Variants in PCLO observed in about 807,000 individuals in gnomAD.
The protein encoded by PCLO is protein piccolo.
PCLO carries 82 observed loss-of-function variants against 427.5 expected under a neutral mutation model. The ratio of observed to expected loss-of-function variants is 0.19; its 90% confidence interval spans 0.16 to 0.23. The LOEUF (loss-of-function observed/expected upper bound fraction) is 0.23, where lower values mean the gene tolerates loss of function less well. Ranked by LOEUF, PCLO falls within the 10% of genes least tolerant of loss-of-function variation. PCLO has a pLI of 1.00. For missense variants in PCLO, 6,239 were observed against 6,115.9 expected (o/e 1.02, Z -0.67); for synonymous variants, 2,357 against 2,155.4 (o/e 1.09, Z -2.59).
At chr7:83,039,207 A>C (rs1184762523) in intron 3 of PCLO, among the ~76,000 whole-genome samples, 1 of 151,932 alleles carries the variant, frequency 6.6e-6, no homozygotes, top group East Asian at 1.9e-4. Context: ...GAATCATTTA[A>C]GTTTTTAATT....
At chr7:83,065,438 T>C (rs1247565401) in intron 3 of PCLO, among the ~76,000 whole-genome samples, 2 of 151,240 alleles carry the variant, frequency 1.3e-5, no homozygotes, top group African/African-American at 2.4e-5. Flanking sequence ...GGGGAGTTTT[T>C]TTTTCCATTT....
chr7:83,054,064 T>C (rs929172255), intron 3 of PCLO, among the ~76,000 whole-genome samples: 1 of 152,118 alleles, frequency 6.6e-6, no homozygotes, highest in African/African-American at 2.4e-5. Context: ...ACCACCATGA[T>C]CTGAACTTTG....
intron 22 of PCLO, among the ~76,000 whole-genome samples, chr7:82,767,393 T>C (rs1225135100): frequency 6.6e-6 from 1 of 152,036 alleles, no homozygotes; most frequent in African/African-American, 2.4e-5. Flanking sequence ...ATGGAGGATG[T>C]AGAAGTCATG....
rs183933736 is a variant in PCLO at position 82,984,665 on chromosome 7, C to T, written c.3301-18178G>A. Among the ~76,000 whole-genome samples the T allele has an allele frequency of 8.2e-4, 125 of 151,986 alleles. 3 individuals carry two copies. The highest frequency in any genetic ancestry group is 4.0e-4 in the Non-Finnish European group (27 of 67,882). ...TTGTTTATTTGTTTTTCACAGCTTT[C>T]TGCTAAATCCTTTGCTCACTTAGCT... On this transcript the variant is annotated intron_variant, in intron 3 of 24. Transcript: ENST00000333891.
chr7:83,150,075 TAA>T (rs1173274940), intron 2 of PCLO, among the ~76,000 whole-genome samples: 2 of 152,208 alleles, frequency 1.3e-5, no homozygotes, highest in Non-Finnish European at 2.9e-5. Context: ...TGAAAAGTGA[TAA>T]GTCGTTTTCA....
chr7:83,094,241 C>T (rs1158199951), intron 3 of PCLO, among the ~76,000 whole-genome samples: 1 of 134,384 alleles, frequency 7.4e-6, no homozygotes, highest in Non-Finnish European at 1.5e-5. Flanking sequence ...ACAGAGTCTC[C>T]GTCTGTCACC....
intron 3 of PCLO, among the ~76,000 whole-genome samples, chr7:83,070,403 T>C (rs1789782102): frequency 6.6e-6 from 1 of 151,614 alleles, no homozygotes. Flanking sequence ...TTTTTTTTTT[T>C]TGGAGACCAA....
rs1156630328 is a variant in PCLO, at chr7:83,050,224, A to C, written c.3301-83737T>G. Among the ~76,000 whole-genome samples the C allele has an allele frequency of 2.3e-3, 279 of 122,428 alleles. 5 individuals carry two copies. The highest frequency in any genetic ancestry group is 4.0e-3 in the Non-Finnish European group (239 of 59,220). The allele number at this position is 122,428 out of a possible 152,430, so 80.3% of individuals were successfully genotyped here. A position where few individuals can be genotyped will look rare whatever the true frequency, so the allele number is the denominator to read the frequency against. The stretch of plus-strand genomic sequence containing the variant: ...TGAAAAACTGAAAAAAAAAAAAAAA[A>C]AAAAAAAAAAAAACACAAGCAAACA... On this transcript the variant is annotated intron_variant, in intron 3 of 24. Coordinates refer to ENST00000333891, the MANE Select transcript of PCLO (RefSeq NM_033026.6).
Position 82,950,930 on chromosome 7 carries a change from G to A in PCLO, c.9658C>T (p.Leu3220Phe). ...TGCTTAATTTTCTCCAGTTCCAGGA[G>A]CTCACGCTCCAAGTCTAGCTGCTGC... is the stretch of plus-strand genomic sequence containing the variant. Reference protein sequence around the residue: ...QQQQLDLERELLELEKIKQQR... With the variant: ...QQQQLDLEREFLELEKIKQQR... The change falls in exon 6 of 25, where the codon CTC (leucine) becomes TTC (phenylalanine). Residue 3220 changes from leucine to phenylalanine, a missense_variant. Coordinates refer to ENST00000333891, the MANE Select transcript of PCLO (RefSeq NM_033026.6). 1 of 1,613,414 alleles carries A rather than the reference G, an allele frequency of 6.2e-7. No homozygotes were observed. Among genetic ancestry groups the A allele is most frequent in the Non-Finnish European group, 8.5e-7 (1 of 1,179,864 alleles).
At chr7:82,975,188 C>T (rs892800727) in intron 3 of PCLO, among the ~76,000 whole-genome samples, 1 of 152,050 alleles carries the variant, frequency 6.6e-6, no homozygotes, top group African/African-American at 2.4e-5. Flanking sequence ...GCACTACAAG[C>T]AATGAAAAAT....
rs75746950 is a variant in PCLO at position 83,011,942 on chromosome 7, A to G, written c.3301-45455T>C. ...TAGGCACTGAGAATCAGAGATGAGT[A>G]TATAATATCTTTTTTTTTGAAATGC... On this transcript the variant is annotated intron_variant, in intron 3 of 24. Coordinates refer to ENST00000333891, the MANE Select transcript of PCLO (RefSeq NM_033026.6). Among the ~76,000 whole-genome samples the G allele has an allele frequency of 2.9e-3, 440 of 152,310 alleles. 5 individuals are homozygous for G. The East Asian group carries it at 0.029, about 10-fold the overall frequency.
rs750184315 is a variant in PCLO at position 82,955,216 on chromosome 7, T to C, written c.5737A>G (p.Ser1913Gly). 1 of 1,613,828 alleles carries C rather than the reference T, an allele frequency of 6.2e-7. No individual in the cohort carries two copies. Among genetic ancestry groups the C allele is most frequent in the East Asian group, 2.2e-5 (1 of 44,858 alleles). The change falls in exon 5 of 25, where the codon AGT (serine) becomes GGT (glycine). Residue 1913 changes from serine (S) to glycine (G), a missense_variant. By Grantham distance (56) the Ser-to-Gly change is moderately conservative (BLOSUM62 0). This residue lies in a region of PCLO where 4,677 missense variants were observed against 4,468.4 expected (regional missense o/e 1.05). Coordinates refer to ENST00000333891, the MANE Select transcript of PCLO (RefSeq NM_033026.6). ...ATTTCTTCATACATCTCCTCAGCAC[T>C]TTTTAACGCCTTTTGGCTACCTTCT... ...QKEGSQKALK[S>G]AEEMYEEMMH...
At chr7:82,988,401 CTT>C (rs1217946618) in intron 3 of PCLO, among the ~76,000 whole-genome samples, 1 of 152,012 alleles carries the variant, frequency 6.6e-6, no homozygotes, top group Non-Finnish European at 1.5e-5. Flanking sequence ...CAGATATAAA[CTT>C]ATAATTTATT....
chr7:83,142,492 T>A (rs191012126), intron 2 of PCLO, among the ~76,000 whole-genome samples: 1 of 152,196 alleles, frequency 6.6e-6, no homozygotes, highest in Admixed American at 6.5e-5. Flanking sequence ...ACAATCCACA[T>A]TGAATTTCCT....
chr7:82,763,211 G>T (rs1028690552), intron 22 of PCLO, among the ~76,000 whole-genome samples: 1 of 152,022 alleles, frequency 6.6e-6, no homozygotes, highest in African/African-American at 2.4e-5. Flanking sequence ...GAGCATGTTG[G>T]TAAATAAATA....
chr7:82,890,300 TA>T (rs1793727601), intron 9 of PCLO, among the ~76,000 whole-genome samples: 1 of 152,036 alleles, frequency 6.6e-6, no homozygotes, highest in Non-Finnish European at 1.5e-5. Flanking sequence ...TTTGTACACG[TA>T]AATATATGTA....
chr7:82,820,498 C>A, intron 20 of PCLO: 1 of 1,209,432 alleles, frequency 8.3e-7, no homozygotes, highest in Non-Finnish European at 1.0e-6. Flanking sequence ...AATAAAGATA[C>A]TTTATTTATT....
chr7:82,915,326 C>T lies in PCLO; in HGVS notation c.12660G>A (p.Met4220Ile). 1 of 1,613,528 alleles carries T rather than the reference C, an allele frequency of 6.2e-7. No individual in the cohort carries two copies. The highest frequency in any genetic ancestry group is 1.1e-5 in the South Asian group (1 of 91,072). ...RDLEPDYSSY[M>I]TSSTSSIGGI... ...CACCAATAGATGAAGTGCTAGAAGT[C>T]ATATAGCTTGAATAATCAGGTTCAA... Residue 4220 changes from methionine to isoleucine, a missense_variant, in exon 7 of 25, where the codon ATG (methionine) becomes ATA (isoleucine). By Grantham distance (10) the Met-to-Ile change is conservative. This residue lies in a region of PCLO where 680 missense variants were observed against 677.3 expected (regional missense o/e 1.00). Transcript: ENST00000333891.
At chr7:82,879,940 C>G (rs1208664583) in intron 9 of PCLO, 2 of 398,936 alleles carry the variant, frequency 5.0e-6, no homozygotes, top group Non-Finnish European at 9.7e-6. Flanking sequence ...TATTTTTCAG[C>G]CTTAATTAAC....
Sources: allele counts gnomAD v4.1 joint callset (sites outside exome capture counted in the v4.1 genomes callset), GRCh38; gene constraint gnomAD v4.1.1; regional missense constraint gnomAD v4.1.1; transcripts MANE v1.5; gene names NCBI Gene and HGNC (gene_info 2026-07-23, HGNC 2026-07-21).